DMD: variants seen among roughly 807,000 people sequenced by gnomAD.
The protein encoded by DMD is dystrophin.
In DMD, 63 loss-of-function variants were observed where a neutral mutation model predicts 330.1. The ratio of observed to expected loss-of-function variants is 0.19; its 90% confidence interval spans 0.16 to 0.24. DMD has a LOEUF of 0.24. Ranked by LOEUF, DMD falls within the 10% of genes least tolerant of loss-of-function variation. The probability of loss-of-function intolerance (pLI) is 1.00; values close to 1 mark genes in which losing one functional copy is unlikely to be tolerated. For missense variants in DMD, 3,344 were observed against 2,684.1 expected (o/e 1.25, Z -5.43); for synonymous variants, 1,223 against 959.8 (o/e 1.27, Z -5.07).
chrX:31,521,347 G>T (rs1013395091), intron 55 of DMD, among the ~76,000 whole-genome samples: 1 of 110,488 alleles, frequency 9.1e-6, no homozygotes, highest in African/African-American at 3.3e-5. Context: ...ATTTTTAGTA[G>T]AGACAGGGTT....
intron 43 of DMD, among the ~76,000 whole-genome samples, chrX:32,286,566 C>T (rs965831107): frequency 2.7e-5 from 3 of 111,742 alleles, no homozygotes; most frequent in Non-Finnish European, 5.6e-5. Flanking sequence ...GTCAGGGTTT[C>T]ATTCTCAAGG....
chrX:32,221,052 G>A (rs2097130317), intron 43 of DMD, among the ~76,000 whole-genome samples: 1 of 111,390 alleles, frequency 9.0e-6, no homozygotes, highest in Non-Finnish European at 1.9e-5. Flanking sequence ...ATTTTCTGAT[G>A]TTCTAAATCA....
intron 7 of DMD, among the ~76,000 whole-genome samples, chrX:32,780,933 T>TAA (rs773775820): frequency 1.0e-5 from 1 of 97,888 alleles, no homozygotes; most frequent in African/African-American, 3.7e-5. Context: ...CTACTAAAAA[T>TAA]AAAAAAAAAA....
intron 60 of DMD, among the ~76,000 whole-genome samples, chrX:31,439,882 G>C (rs2064806737): frequency 9.0e-6 from 1 of 111,387 alleles, no homozygotes; most frequent in African/African-American, 3.3e-5. Flanking sequence ...TTGGCTTTAA[G>C]AGCTGATTCA....
At chrX:32,458,186 C>T (rs755206110) in intron 25 of DMD, among the ~76,000 whole-genome samples, 19 of 110,714 alleles carry the variant, frequency 1.7e-4, no homozygotes, top group Admixed American at 1.5e-3. Flanking sequence ...TAAACCCAGG[C>T]GATCTGATCT....
At chrX:32,916,600 C>T (rs1420880649) in intron 2 of DMD, among the ~76,000 whole-genome samples, 1 of 111,047 alleles carries the variant, frequency 9.0e-6, no homozygotes, top group Non-Finnish European at 1.9e-5. Flanking sequence ...TTTTATATAC[C>T]TTACTAAAAC....
At chrX:31,851,009 C>T (rs2093514930) in intron 48 of DMD, among the ~76,000 whole-genome samples, 1 of 112,274 alleles carries the variant, frequency 8.9e-6, no homozygotes, top group Admixed American at 9.5e-5. Context: ...GTGTTAGAGC[C>T]TGATTTCTGC....
At chrX:31,724,495 A>G (rs4829232) in intron 52 of DMD, among the ~76,000 whole-genome samples, 43,427 of 110,431 alleles carry the variant, frequency 0.39, 6,699 homozygotes, top group African/African-American at 0.53. Context: ...CTTTTCTTAA[A>G]ATTTATAAGC....
At position 31,272,402 on chromosome X, in the gene DMD, A is replaced by G. The variant is rs772562189; in HGVS notation, c.9225-11386T>C. Among the ~76,000 whole-genome samples, 3 of 112,140 alleles carry G rather than the reference A, an allele frequency of 2.7e-5. No individual in the cohort carries two copies. In the Admixed American group the frequency reaches 2.8e-4, roughly 11 times the overall value. ...AATGGATCACTGGTTAATGTGGTTC[A>G]AGTATATCTGACTACAGCATTCCTG... is the stretch of plus-strand genomic sequence containing the variant. On this transcript the variant is annotated intron_variant, in intron 62 of 78. Coordinates refer to ENST00000357033, the MANE Select transcript of DMD (RefSeq NM_004006.3).
chrX:32,996,719 A>C (rs2093130335), intron 2 of DMD, among the ~76,000 whole-genome samples: 1 of 110,118 alleles, frequency 9.1e-6, no homozygotes, highest in Non-Finnish European at 1.9e-5. Context: ...TGGGAGGCCG[A>C]GGCAGGAGAA....
intron 7 of DMD, among the ~76,000 whole-genome samples, chrX:32,734,148 A>C (rs1412811645): frequency 9.2e-6 from 1 of 109,142 alleles, no homozygotes; most frequent in Non-Finnish European, 1.9e-5. Flanking sequence ...CTACGCAAAT[A>C]AACTAGAAAA....
chrX:31,761,352 A>G (rs2089575274), intron 51 of DMD, among the ~76,000 whole-genome samples: 1 of 111,005 alleles, frequency 9.0e-6, no homozygotes, highest in African/African-American at 3.3e-5. Flanking sequence ...ACGAATGGCC[A>G]TGTAAATATT....
intron 60 of DMD, among the ~76,000 whole-genome samples, chrX:31,373,591 T>C (rs1253764092): frequency 9.4e-6 from 1 of 106,311 alleles, no homozygotes; most frequent in Non-Finnish European, 1.9e-5. Flanking sequence ...ATTTAATAAA[T>C]GGTGCTGGGA....
intron 48 of DMD, among the ~76,000 whole-genome samples, chrX:31,843,900 C>T (rs1300817944): frequency 4.2e-5 from 3 of 71,953 alleles, no homozygotes; most frequent in Non-Finnish European, 7.7e-5. Flanking sequence ...TGTTGTCAGG[C>T]TGAAGTGCAG....
intron 13 of DMD, among the ~76,000 whole-genome samples, chrX:32,584,402 A>T (rs2053989229): frequency 8.9e-6 from 1 of 112,072 alleles, no homozygotes; most frequent in South Asian, 3.6e-4. Context: ...ATACCCAATG[A>T]TTAAGAAATG....
At chrX:31,486,978 G>A (rs188065240) in intron 57 of DMD, among the ~76,000 whole-genome samples, 40 of 111,820 alleles carry the variant, frequency 3.6e-4, no homozygotes, top group African/African-American at 1.3e-3. Flanking sequence ...TTAAAAGCGA[G>A]GTCTTGGAAA....
intron 48 of DMD, among the ~76,000 whole-genome samples, chrX:31,837,422 C>CA (rs977619646): frequency 1.2e-3 from 135 of 109,268 alleles, no homozygotes; most frequent in African/African-American, 4.1e-3. Flanking sequence ...TGAAGCATGA[C>CA]AAAAAAAAAT....
chrX:33,250,697 C>G (rs2052758712), intron 1 of DMD, among the ~76,000 whole-genome samples: 1 of 110,616 alleles, frequency 9.0e-6, no homozygotes, highest in African/African-American at 3.3e-5. Flanking sequence ...AATTTGCCTC[C>G]AAATATCAAA....
chrX:31,302,691 G>T (rs760394468), intron 62 of DMD, among the ~76,000 whole-genome samples: 189 of 110,786 alleles, frequency 1.7e-3, no homozygotes, highest in African/African-American at 5.9e-3. Flanking sequence ...TACAAACACA[G>T]TAGGTTTTCA....
Sources: allele counts gnomAD v4.1 joint callset (sites outside exome capture counted in the v4.1 genomes callset), GRCh38; gene constraint gnomAD v4.1.1; transcripts MANE v1.5; gene names NCBI Gene and HGNC (gene_info 2026-07-23, HGNC 2026-07-21).